CSMD1: variants seen among roughly 807,000 people sequenced by gnomAD.
CSMD1 encodes the protein CUB and sushi domain-containing protein 1.
Under a neutral mutation model 417.5 loss-of-function variants are expected in CSMD1, and 213 were observed. That is an observed-to-expected ratio of 0.51 (90% CI 0.46 to 0.57). The LOEUF (loss-of-function observed/expected upper bound fraction) is 0.57, where lower values mean the gene tolerates loss of function less well. Ranked by LOEUF, CSMD1 falls within the 20% of genes least tolerant of loss-of-function variation. The pLI is 0.00. For synonymous variants in CSMD1, 2,862 were observed against 1,736.8 expected, an observed-to-expected ratio of 1.65 and a Z score of -16.11; for missense variants, 6,923 against 4,529.7, an observed-to-expected ratio of 1.53 and a Z score of -15.17.
At chr8:4,960,011 G>T (rs1324884315) in intron 1 of CSMD1, among the ~76,000 whole-genome samples, 1 of 152,116 alleles carries the variant, frequency 6.6e-6, no homozygotes, top group Non-Finnish European at 1.5e-5. Context: ...TCACTAGGAT[G>T]CAATTTCAAC....
intron 10 of CSMD1, among the ~76,000 whole-genome samples, chr8:3,501,911 T>C (rs980086493): frequency 6.6e-6 from 1 of 152,180 alleles, no homozygotes; most frequent in Non-Finnish European, 1.5e-5. Context: ...CTACCATAGA[T>C]ACTGGATAAA....
chr8:3,366,629 T>C (rs146573168), intron 20 of CSMD1, among the ~76,000 whole-genome samples: 25 of 152,300 alleles, frequency 1.6e-4, no homozygotes, highest in African/African-American at 5.8e-4. Flanking sequence ...AATGCAAATA[T>C]TGGCACCTAC....
intron 6 of CSMD1, among the ~76,000 whole-genome samples, chr8:3,724,420 G>A (rs1802372299): frequency 6.6e-6 from 1 of 152,048 alleles, no homozygotes; most frequent in Non-Finnish European, 1.5e-5. Flanking sequence ...ACTTTTAAAT[G>A]AAGTGATAAA....
intron 1 of CSMD1, among the ~76,000 whole-genome samples, chr8:4,670,728 G>C (rs1010075259): frequency 1.3e-5 from 2 of 152,168 alleles, no homozygotes; most frequent in African/African-American, 2.4e-5. Context: ...GAAAAAAATA[G>C]TTGGCTCTAA....
intron 12 of CSMD1, among the ~76,000 whole-genome samples, chr8:3,457,770 A>G (rs1585194452): frequency 6.6e-6 from 1 of 152,240 alleles, no homozygotes; most frequent in East Asian, 1.9e-4. Flanking sequence ...TGAAAGCAAC[A>G]AATTCCAATT....
At chr8:4,652,487 G>C (rs577107289) in intron 1 of CSMD1, among the ~76,000 whole-genome samples, 5 of 151,922 alleles carry the variant, frequency 3.3e-5, no homozygotes, top group African/African-American at 1.2e-4. Context: ...CCACTGTGCC[G>C]AGCCTGCCGA....
chr8:3,251,547 G>T (rs1290942035), intron 26 of CSMD1, among the ~76,000 whole-genome samples: 1 of 152,100 alleles, frequency 6.6e-6, no homozygotes, highest in Non-Finnish European at 1.5e-5. Flanking sequence ...GGCGATGCGG[G>T]CTCTTTTTTG....
chr8:3,141,928 G>T (rs979519550), intron 41 of CSMD1, among the ~76,000 whole-genome samples: 5 of 151,794 alleles, frequency 3.3e-5, no homozygotes, highest in African/African-American at 4.8e-5. Flanking sequence ...CTCCCGAGTA[G>T]CTGGGACTAC....
chr8:4,269,535 T>C (rs1804439031), intron 3 of CSMD1, among the ~76,000 whole-genome samples: 1 of 152,352 alleles, frequency 6.6e-6, no homozygotes, highest in Non-Finnish European at 1.5e-5. Context: ...GCCCTCAATA[T>C]ATCGCATTCA....
rs71203472 is a variant in CSMD1 at position 3,759,904 on chromosome 8, CAAA to C, written c.819-5865_819-5863del. Among the ~76,000 whole-genome samples the C allele has an allele frequency of 5.2e-3, 494 of 95,618 alleles. 3 individuals carry two copies. The highest frequency in any genetic ancestry group is 0.026 in the Middle Eastern group (5 of 190). 62.7% of individuals were successfully genotyped at this position (95,618 alleles called of 152,430 possible). ...AGCCTGGGTGACTGAGAGACTGTCT[CAAA>C]AAAAAAAAAAAAAAAAAAATGAGGA... On this transcript the variant is annotated intron_variant, in intron 5 of 69. Coordinates refer to ENST00000635120, the MANE Select transcript of CSMD1 (RefSeq NM_033225.6).
At position 2,937,179 on chromosome 8, in the gene CSMD1, CTT is replaced by C. The variant is rs1801540730; in HGVS notation, c.*1404_*1405del. 6.6e-6 allele frequency: 1 copy of C among 152,070 alleles called. No homozygotes were observed. The highest frequency in any genetic ancestry group is 2.4e-5 in the African/African-American group (1 of 41,394). The allele number at this position is 152,070 out of a possible 1,614,324, so 9.4% of individuals were successfully genotyped here. ...CTTATAGATTTTATTTGCATCATAA[CTT>C]ATCATTTACCTATAATGGAATTTAA... is the stretch of plus-strand genomic sequence containing the variant. On this transcript the variant is annotated 3_prime_UTR_variant, in exon 70 of 70. Transcript: ENST00000635120.
chr8:3,822,901 C>G (rs17067682), intron 5 of CSMD1, among the ~76,000 whole-genome samples: 5,872 of 152,200 alleles, frequency 0.039, 168 homozygotes, highest in Non-Finnish European at 0.061. Flanking sequence ...GAGTAACTCA[C>G]TGTGCAGAGC....
chr8:4,411,110 C>T (rs1301805837), intron 3 of CSMD1, among the ~76,000 whole-genome samples: 2 of 152,140 alleles, frequency 1.3e-5, no homozygotes, highest in South Asian at 2.1e-4. Context: ...GCCACCTGAT[C>T]TTCAATCTCC....
intron 25 of CSMD1, among the ~76,000 whole-genome samples, chr8:3,305,616 G>A (rs1481632567): frequency 6.6e-6 from 1 of 151,902 alleles, no homozygotes; most frequent in Non-Finnish European, 1.5e-5. Context: ...ATCTGCCAAT[G>A]CCATGCCCTT....
chr8:4,511,729 C>T (rs1409646305), intron 2 of CSMD1, among the ~76,000 whole-genome samples: 1 of 152,076 alleles, frequency 6.6e-6, no homozygotes, highest in Non-Finnish European at 1.5e-5. Context: ...TCAGTGTTCC[C>T]CAAGAGAACT....
chr8:4,164,291 A>C (rs1797331601), intron 3 of CSMD1, among the ~76,000 whole-genome samples: 1 of 152,180 alleles, frequency 6.6e-6, no homozygotes, highest in African/African-American at 2.4e-5. Flanking sequence ...AATGGATACA[A>C]ATGATAAATA....
intron 12 of CSMD1, among the ~76,000 whole-genome samples, chr8:3,443,129 T>G (rs1276096650): frequency 6.6e-6 from 1 of 152,230 alleles, no homozygotes; most frequent in Non-Finnish European, 1.5e-5. Flanking sequence ...AGACATCCAC[T>G]AGTGAGCAGT....
chr8:4,329,524 G>A (rs1352720165), intron 3 of CSMD1, among the ~76,000 whole-genome samples: 1 of 152,112 alleles, frequency 6.6e-6, no homozygotes, highest in Non-Finnish European at 1.5e-5. Flanking sequence ...CTGACCTCAA[G>A]TGATTTGTCT....
At chr8:4,259,565 T>C (rs1396816271) in intron 3 of CSMD1, among the ~76,000 whole-genome samples, 1 of 151,980 alleles carries the variant, frequency 6.6e-6, no homozygotes, top group Non-Finnish European at 1.5e-5. Flanking sequence ...TACAAAGTAA[T>C]ACTCTGTTAC....
Sources: gnomAD v4.1 joint callset for allele counts (sites outside exome capture counted in the v4.1 genomes callset) on GRCh38, gnomAD v4.1.1 for gene constraint, MANE v1.5 for transcripts, NCBI Gene and HGNC (gene_info 2026-07-23, HGNC 2026-07-21) for gene names.